Variants in WDR64 observed in about 807,000 individuals in gnomAD.
WDR64 encodes WD repeat domain 64, also known as WD repeat-containing protein 64.
Under a neutral mutation model 139.3 loss-of-function variants are expected in WDR64, and 112 were observed. That is an observed-to-expected ratio of 0.80 (90% CI 0.69 to 0.94). WDR64 has a LOEUF of 0.94. Among genes scored for constraint, WDR64 ranks in the 40% least tolerant of loss-of-function variants. WDR64 has a pLI of 0.00. For synonymous variants in WDR64, 444 were observed against 437.7 expected (o/e 1.01, Z -0.18); for missense variants, 1,206 against 1,293.1 (o/e 0.93, Z 1.03).
intron 7 of WDR64, among the ~76,000 whole-genome samples, 161 bp downstream of exon 7, chr1:241,683,862 T>TGTAC (rs1265160599): frequency 2.6e-4 from 29 of 110,854 alleles, no homozygotes; most frequent in African/African-American, 9.6e-4. Flanking sequence ...ATTGTTCATG[T>TGTAC]ATACACACAC....
chr1:241,686,904 A>G (rs1474208619), intron 7 of WDR64, among the ~76,000 whole-genome samples: 3 of 152,188 alleles, frequency 2.0e-5, no homozygotes, highest in African/African-American at 7.2e-5. Context: ...CCATTATTGA[A>G]TTGGGATTCT....
At chr1:241,686,379 C>A (rs919305709) in intron 7 of WDR64, among the ~76,000 whole-genome samples, 1 of 152,174 alleles carries the variant, frequency 6.6e-6, no homozygotes, top group Non-Finnish European at 1.5e-5. Context: ...TCAAACATAT[C>A]TGGCATGAGA....
chr1:241,677,256 T>C (rs55893377), intron 4 of WDR64: 6 of 398,000 alleles, frequency 1.5e-5, no homozygotes, highest in East Asian at 1.1e-4. Flanking sequence ...AAGATATATA[T>C]AGAGAAAGAG....
intron 15 of WDR64, among the ~76,000 whole-genome samples, chr1:241,765,514 G>C (rs1462381732): frequency 6.6e-6 from 1 of 152,234 alleles, no homozygotes. Flanking sequence ...AAAGCCTGGA[G>C]TCAAGGACGT....
At chr1:241,782,753 C>A (rs1658897812) in intron 22 of WDR64, among the ~76,000 whole-genome samples, 1 of 152,154 alleles carries the variant, frequency 6.6e-6, no homozygotes, top group African/African-American at 2.4e-5. Context: ...GAGTTTTATT[C>A]TTTTCATCAA....
chr1:241,735,528 T>C (rs1296013228), intron 10 of WDR64, among the ~76,000 whole-genome samples: 5 of 121,858 alleles, frequency 4.1e-5, no homozygotes, highest in Non-Finnish European at 8.5e-5. Flanking sequence ...TCTCTCTCTC[T>C]CTCTCTTTTT....
rs748820358 is a variant in WDR64, at chr1:241,741,572, G to T, written c.1378G>T (p.Val460Phe). ...LTRMIQDTKQ[V>F]PHTHEREINV... ...TAGGATGATACAAGATACAAAACAG[G>T]TTCCTCACACTCATGAACGAGAAAT... Residue 460 changes from valine (V) to phenylalanine (F), a missense_variant, in exon 12 of 28, where the codon GTT becomes TTT. Coordinates refer to ENST00000437684, the MANE Select transcript of WDR64 (RefSeq NM_001367482.1). 32 of 1,613,250 alleles carry T rather than the reference G, an allele frequency of 2.0e-5. No homozygotes were observed. The highest frequency in any genetic ancestry group is 2.5e-5 in the Non-Finnish European group (29 of 1,179,778).
In WDR64 at chr1:241,671,064, G is replaced by T. The variant is rs1221943457; in HGVS notation, c.277-10G>T. On this transcript the variant is annotated splice_polypyrimidine_tract_variant and intron_variant, in intron 2 of 27. Coordinates refer to ENST00000437684, the MANE Select transcript of WDR64 (RefSeq NM_001367482.1). ...TGCTGCATATTTATATGTGCTGTTT[G>T]GGATTTCAGATCTTTGGATACTTCT... The T allele has an allele frequency of 3.3e-6, 5 of 1,525,040 alleles. No individual in the cohort carries two copies. The highest frequency in any genetic ancestry group is 3.5e-6 in the Non-Finnish European group (4 of 1,129,960). The allele number at this position is 1,525,040 out of a possible 1,614,324, so 94.5% of individuals were successfully genotyped here.
chr1:241,704,860 A>G (rs945431473), intron 8 of WDR64, among the ~76,000 whole-genome samples: 3 of 152,196 alleles, frequency 2.0e-5, no homozygotes, highest in African/African-American at 7.2e-5. Context: ...ACTGGAGAGG[A>G]TTGCTCTAGA....
chr1:241,665,330 G>C (rs750172313), intron 2 of WDR64, among the ~76,000 whole-genome samples: 77 of 152,242 alleles, frequency 5.1e-4, no homozygotes, highest in Non-Finnish European at 9.3e-4. Context: ...AACTTTCTGG[G>C]CTTCAGATCC....
intron 25 of WDR64, among the ~76,000 whole-genome samples, chr1:241,793,873 G>A (rs569041675): frequency 6.6e-6 from 1 of 152,074 alleles, no homozygotes; most frequent in Non-Finnish European, 1.5e-5. Context: ...TTATATTATC[G>A]TGTTCTACAT....
In WDR64 at chr1:241,796,382, C is replaced by A; in HGVS notation, c.3192+12C>A. ...TTCAACGTGAAAAAGTAAGTTAGTA[C>A]TAATTCCACCGTTAACTCCAATTTC... On this transcript the variant is annotated intron_variant, in intron 27 of 27. Transcript: ENST00000437684. 6.5e-7 allele frequency: 1 copy of A among 1,549,524 alleles called. No homozygotes were observed. The highest frequency in any genetic ancestry group is 8.9e-7 in the Non-Finnish European group (1 of 1,125,716).
intron 6 of WDR64, among the ~76,000 whole-genome samples, chr1:241,683,060 A>G (rs1458430532): frequency 6.6e-6 from 1 of 152,204 alleles, no homozygotes; most frequent in Non-Finnish European, 1.5e-5. Context: ...ATAAACTTGG[A>G]TGGTAGGATA....
At chr1:241,777,457 G>A (rs1326381446) in intron 21 of WDR64, among the ~76,000 whole-genome samples, 4 of 147,768 alleles carry the variant, frequency 2.7e-5, no homozygotes, top group African/African-American at 7.6e-5. Flanking sequence ...TCGCTCTATT[G>A]CTCAGGTTGG....
At chr1:241,749,256 G>T (rs1669889080) in intron 13 of WDR64, among the ~76,000 whole-genome samples, 1 of 152,182 alleles carries the variant, frequency 6.6e-6, no homozygotes, top group African/African-American at 2.4e-5. Flanking sequence ...AATAACAACA[G>T]AAGAGACTCA....
chr1:241,722,210 A>G (rs1668638187), intron 9 of WDR64, among the ~76,000 whole-genome samples: 1 of 152,202 alleles, frequency 6.6e-6, no homozygotes, highest in Admixed American at 6.6e-5. Context: ...ATAAAATGTA[A>G]TTAAAAATAA....
chr1:241,801,326 T>G lies in WDR64; in HGVS notation c.*111T>G, dbSNP rs1193478620. ...ACCACCAGACACTATCAGTCATCTC[T>G]GGTGTCAGGCCATCCTATTGATGGG... On this transcript the variant is annotated 3_prime_UTR_variant, in exon 28 of 28. Transcript: ENST00000437684. 56 of 927,532 alleles carry G rather than the reference T, an allele frequency of 6.0e-5. No homozygotes were observed. Among genetic ancestry groups the G allele is most frequent in the Non-Finnish European group, 9.4e-5 (56 of 598,638 alleles). The allele number at this position is 927,532 out of a possible 1,614,324, so 57.5% of individuals were successfully genotyped here.
At chr1:241,799,011 T>C (rs1298022096) in intron 27 of WDR64, among the ~76,000 whole-genome samples, 2 of 151,894 alleles carry the variant, frequency 1.3e-5, no homozygotes, top group African/African-American at 2.4e-5. Flanking sequence ...TGTCCAATCA[T>C]GCAAAAATGT....
intron 8 of WDR64, among the ~76,000 whole-genome samples, chr1:241,688,031 T>G (rs1485560385): frequency 6.6e-6 from 1 of 152,246 alleles, no homozygotes; most frequent in African/African-American, 2.4e-5. Context: ...ATTTGAATAT[T>G]GTCTTATTTT....
Sources: gnomAD v4.1 joint callset for allele counts (sites outside exome capture counted in the v4.1 genomes callset) on GRCh38, gnomAD v4.1.1 for gene constraint, MANE v1.5 for transcripts, NCBI Gene and HGNC (gene_info 2026-07-23, HGNC 2026-07-21) for gene names.